Variants in SSH1 observed in about 807,000 individuals in gnomAD.
SSH1 encodes slingshot protein phosphatase 1.
Under a neutral mutation model 79.7 loss-of-function variants are expected in SSH1, and 43 were observed. The observed-to-expected ratio is 0.54, with a 90% confidence interval of 0.42 to 0.70. The LOEUF (loss-of-function observed/expected upper bound fraction) is 0.70, where lower values mean the gene tolerates loss of function less well. SSH1 is among the 30% of genes least tolerant of loss of function. The pLI, the probability that SSH1 is intolerant of heterozygous loss-of-function variation, is 0.00. For missense variants in SSH1, 1,206 were observed against 1,358.8 expected (o/e 0.89, Z 1.77); for synonymous variants, 599 against 538.3 (o/e 1.11, Z -1.56).
intron 2 of SSH1, chr12:108,836,983 C>A (rs368283564): frequency 5.9e-6 from 3 of 510,678 alleles, no homozygotes; most frequent in East Asian, 5.6e-5. Flanking sequence ...GTAATCCCAG[C>A]ATTTTGGGAG....
chr12:108,808,412 G>A (rs2037397316), intron 7 of SSH1, among the ~76,000 whole-genome samples: 1 of 152,200 alleles, frequency 6.6e-6, no homozygotes, highest in Non-Finnish European at 1.5e-5. Context: ...TTTCCAAAGA[G>A]CAGCAGAAAC....
Position 108,857,195 on chromosome 12 carries a change from C to A in SSH1, c.69+233G>T, listed in dbSNP as rs1390007303. On this transcript the variant is annotated intron_variant, in intron 1 of 14. Coordinates refer to ENST00000326495, the MANE Select transcript of SSH1 (RefSeq NM_018984.4). This position sits in a 1 kb window ranked among gnomAD's most constrained non-coding sequence, Gnocchi z 4.7. ...ATACACAGTCCCTGCAAAGTCGCCC[C>A]CCGATAGGGGTCACACCGCACACAA... Among the ~76,000 whole-genome samples, 1 of 152,128 alleles carries A rather than the reference C, an allele frequency of 6.6e-6. No homozygotes were observed. The highest frequency in any genetic ancestry group is 1.5e-5 in the Non-Finnish European group (1 of 67,996).
intron 1 of SSH1, 80 bp from the exon 2 acceptor site, chr12:108,852,758 C>T: frequency 6.2e-7 from 1 of 1,609,416 alleles, no homozygotes; most frequent in Non-Finnish European, 8.5e-7. Flanking sequence ...ATTTTCTACC[C>T]CGGTACTGGA....
At chr12:108,818,572 A>G (rs2037993646) in intron 3 of SSH1, among the ~76,000 whole-genome samples, 2 of 152,246 alleles carry the variant, frequency 1.3e-5, no homozygotes, top group Non-Finnish European at 2.9e-5. Context: ...AAATACATAC[A>G]GTATAGGTTT....
chr12:108,797,610 G>A (rs1053623452), intron 13 of SSH1, among the ~76,000 whole-genome samples: 2 of 152,216 alleles, frequency 1.3e-5, no homozygotes, highest in African/African-American at 4.8e-5. Context: ...GCAGTTGGAC[G>A]TCAGGAAGAA....
chr12:108,814,049 C>A (rs945804860), intron 5 of SSH1, among the ~76,000 whole-genome samples: 15 of 152,082 alleles, frequency 9.9e-5, no homozygotes, highest in Non-Finnish European at 1.9e-4. Context: ...CATGGTGAAA[C>A]CCTGTCTCTA....
rs2037276502 is a variant in SSH1 at position 108,806,413 on chromosome 12, T to G, written c.732-19A>C. ...AGTGGGCCTGGAAAGAAATGACGTT[T>G]AGGAGAGCAAGGAGCTGTAGAAAGC... On this transcript the variant is annotated intron_variant, in intron 8 of 14. Transcript: ENST00000326495. 3 of 1,611,184 alleles carry G rather than the reference T, an allele frequency of 1.9e-6. No individual in the cohort carries two copies. In the South Asian group the frequency reaches 3.3e-5, roughly 18 times the overall value.
At chr12:108,815,144 G>A (rs2037825157) in intron 5 of SSH1, among the ~76,000 whole-genome samples, 1 of 152,162 alleles carries the variant, frequency 6.6e-6, no homozygotes, top group South Asian at 2.1e-4. Context: ...AGAATGAGTG[G>A]CATCTACTCA....
intron 1 of SSH1, among the ~76,000 whole-genome samples, chr12:108,853,922 CAA>C (rs113813284): frequency 1.8e-4 from 19 of 107,558 alleles, no homozygotes; most frequent in African/African-American, 1.4e-4. Flanking sequence ...TACTTCGTTT[CAA>C]AAAAAAAAAA....
intron 2 of SSH1, among the ~76,000 whole-genome samples, chr12:108,835,636 A>G (rs1348441060): frequency 7.7e-6 from 1 of 130,414 alleles, no homozygotes; most frequent in Non-Finnish European, 1.5e-5. Context: ...CCTCCCAACA[A>G]TTCAGACCTA....
chr12:108,800,776 T>C lies in SSH1; in HGVS notation c.1148+4A>G. ...TCCTCAGCCCCGCCTCTCTGTCCAC[T>C]TACTTCGCTTTGTTTATAAAATGAT... On this transcript the variant is annotated splice_donor_region_variant and intron_variant, in intron 12 of 14. Transcript: ENST00000326495. 6.2e-7 allele frequency: 1 copy of C among 1,612,908 alleles called. No homozygotes were observed. Among genetic ancestry groups the C allele is most frequent in the South Asian group, 1.1e-5 (1 of 91,056 alleles).
At chr12:108,791,256 T>C (rs1028173614) in intron 14 of SSH1, among the ~76,000 whole-genome samples, 1 of 152,128 alleles carries the variant, frequency 6.6e-6, no homozygotes, top group Non-Finnish European at 1.5e-5. Context: ...ATTACAGGCA[T>C]GCACCATCAC....
At chr12:108,820,744 T>TG (rs780479495) in intron 3 of SSH1, among the ~76,000 whole-genome samples, 2 of 152,208 alleles carry the variant, frequency 1.3e-5, no homozygotes, top group South Asian at 2.1e-4. Context: ...CAGTGGTTAC[T>TG]GGGGGGCCTC....
chr12:108,833,167 T>TC (rs1342393354), intron 2 of SSH1, among the ~76,000 whole-genome samples: 14 of 151,754 alleles, frequency 9.2e-5, no homozygotes, highest in Admixed American at 3.3e-4. Flanking sequence ...TTTTTTTTTT[T>TC]CTCCCTAAAT....
At chr12:108,827,356 G>A in intron 2 of SSH1, 5 of 1,547,150 alleles carry the variant, frequency 3.2e-6, no homozygotes, top group Non-Finnish European at 4.4e-6. Flanking sequence ...CGTGGCTGCA[G>A]TGCTCACATC....
rs1034779428 is a variant in SSH1, at chr12:108,823,274, G to A, written c.198C>T (p.His66=). 2.5e-6 allele frequency: 4 copies of A among 1,586,974 alleles called. No individual in the cohort carries two copies. Among genetic ancestry groups the A allele is most frequent in the Middle Eastern group, 3.3e-4 (2 of 6,004 alleles). ...SSPQGQRSLQ[H]PHKHAGDLPQ... ...AGCCCTCACCTGCATGCTTGTGGGG[G>A]TGCTGAAGACTCCGCTGGCCTTGAG... is the stretch of plus-strand genomic sequence containing the variant. Residue 66 remains histidine (H), a synonymous_variant, in exon 3 of 15, where the codon CAC becomes CAT. Transcript: ENST00000326495.
intron 3 of SSH1, among the ~76,000 whole-genome samples, chr12:108,819,778 A>G (rs2137169609): frequency 6.6e-6 from 1 of 152,324 alleles, no homozygotes; most frequent in East Asian, 1.9e-4. Context: ...ACCCTGGGCA[A>G]CACGATAAGA....
At position 108,788,112 on chromosome 12, in the gene SSH1, A is replaced by G; in HGVS notation, c.3026T>C (p.Leu1009Ser). 1 of 1,614,010 alleles carries G rather than the reference A, an allele frequency of 6.2e-7. No individual in the cohort carries two copies. Among genetic ancestry groups the G allele is most frequent in the South Asian group, 1.1e-5 (1 of 91,054 alleles). ...STVADSQDTT[L>S]SESSFLHEPQ... ...CTCATGCAAGAAGGAAGATTCACTC[A>G]AAGTGGTGTCCTGGGAGTCAGCGAC... The change falls in exon 15 of 15, where the codon TTG becomes TCG. Residue 1009 changes from leucine to serine, a missense_variant. Coordinates refer to ENST00000326495, the MANE Select transcript of SSH1 (RefSeq NM_018984.4).
At chr12:108,837,316 G>A (rs949651042) in intron 2 of SSH1, among the ~76,000 whole-genome samples, 26 of 152,192 alleles carry the variant, frequency 1.7e-4, no homozygotes, top group African/African-American at 6.3e-4. Flanking sequence ...AGAGCCAAGA[G>A]ACAGGATAAC....
Sources: gnomAD v4.1 joint callset for allele counts (sites outside exome capture counted in the v4.1 genomes callset) on GRCh38, gnomAD v4.1.1 for gene constraint, Gnocchi (gnomAD v3.1) non-coding constraint, MANE v1.5 for transcripts, NCBI Gene and HGNC (gene_info 2026-07-23, HGNC 2026-07-21) for gene names.